Variants in FYTTD1 observed in about 807,000 individuals in gnomAD.
The protein encoded by FYTTD1 is UAP56-interacting factor.
In FYTTD1, 22 loss-of-function variants were observed where a neutral mutation model predicts 40.9. That is an observed-to-expected ratio of 0.54 (90% CI 0.38 to 0.77). FYTTD1 has a LOEUF of 0.77. Ranked by LOEUF, FYTTD1 falls within the 30% of genes least tolerant of loss-of-function variation. FYTTD1 has a pLI of 0.00. For synonymous variants in FYTTD1, 140 were observed against 137.9 expected (o/e 1.01, Z -0.10); for missense variants, 351 against 392.2 (o/e 0.90, Z 0.89).
rs1409981755 is a variant in FYTTD1, at chr3:197,783,558, A to ATT, written c.*1651_*1652dup. ...GGGATTATTGGAAGTCAGTCACAGA[A>ATT]TTTGGAAATAAATTCTAGTCTCTCC... On this transcript the variant is annotated 3_prime_UTR_variant, in exon 9 of 9. Transcript: ENST00000241502. 6.6e-6 allele frequency: 1 copy of ATT among 152,648 alleles called. No individual in the cohort carries two copies. Among genetic ancestry groups the ATT allele is most frequent in the African/African-American group, 2.4e-5 (1 of 41,450 alleles). The allele number at this position is 152,648 out of a possible 1,614,324, so 9.5% of individuals were successfully genotyped here. A position where few individuals can be genotyped will look rare whatever the true frequency, so the allele number is the denominator to read the frequency against.
intron 2 of FYTTD1, among the ~76,000 whole-genome samples, chr3:197,762,348 T>C (rs939553529): frequency 2.0e-5 from 3 of 146,912 alleles, no homozygotes; most frequent in African/African-American, 5.5e-5. Context: ...CCCAGCACTT[T>C]GGGAGGCCGA....
rs949339570 is a variant in FYTTD1 at position 197,780,657 on chromosome 3, C to T, written c.859-1154C>T. Among the ~76,000 whole-genome samples the T allele has an allele frequency of 5.4e-4, 82 of 151,952 alleles. 1 individual carries two copies. The highest frequency in any genetic ancestry group is 7.9e-4 in the Non-Finnish European group (54 of 67,984). ...TCCTGGGTTCAAGCAATTCTCCTGC[C>T]TTAGCCTCCTGAGTAGCTGGGATTA... On this transcript the variant is annotated intron_variant, in intron 8 of 8. Coordinates refer to ENST00000241502, the MANE Select transcript of FYTTD1 (RefSeq NM_032288.7).
At chr3:197,776,179 G>A (rs577925904) in intron 6 of FYTTD1, among the ~76,000 whole-genome samples, 42 of 151,574 alleles carry the variant, frequency 2.8e-4, no homozygotes, top group Non-Finnish European at 5.0e-4. Flanking sequence ...ATAGTTTGAC[G>A]AACTAAATCT....
intron 7 of FYTTD1, among the ~76,000 whole-genome samples, chr3:197,777,894 A>T (rs574560517): frequency 6.6e-6 from 1 of 151,538 alleles, no homozygotes; most frequent in Non-Finnish European, 1.5e-5. Context: ...TTTTTTTTGT[A>T]CAGATGGGGG....
chr3:197,763,452 A>G (rs1208561344), intron 2 of FYTTD1: 1 of 400,484 alleles, frequency 2.5e-6, no homozygotes. Context: ...AATTGCAGTA[A>G]ATATAACCCA....
intron 1 of FYTTD1, chr3:197,755,696 C>T: frequency 1.6e-6 from 1 of 612,966 alleles, no homozygotes; most frequent in Non-Finnish European, 2.7e-6. Flanking sequence ...CCATGTTGGT[C>T]AGGCCAGTCC....
intron 2 of FYTTD1, 90 bp downstream of exon 2, chr3:197,756,647 C>T (rs1423692369): frequency 9.6e-6 from 11 of 1,149,820 alleles, no homozygotes; most frequent in Middle Eastern, 2.0e-4. Flanking sequence ...TGGAGGAATG[C>T]GTCAGTACTC....
At chr3:197,777,188 T>C (rs1729901231) in intron 7 of FYTTD1, among the ~76,000 whole-genome samples, 187 bp downstream of exon 7, 2 of 152,220 alleles carry the variant, frequency 1.3e-5, no homozygotes, top group Non-Finnish European at 2.9e-5. Context: ...TGATTCCTGA[T>C]TCTGCAGCCC....
intron 1 of FYTTD1, among the ~76,000 whole-genome samples, chr3:197,752,183 C>T (rs1474130178): frequency 6.6e-6 from 1 of 152,216 alleles, no homozygotes; most frequent in African/African-American, 2.4e-5. Flanking sequence ...TATATTAACT[C>T]AGTTTATCCT....
rs963813328 is a variant in FYTTD1, at chr3:197,785,973, A to G, written c.*4064A>G. 8 of 151,658 alleles carry G rather than the reference A, an allele frequency of 5.3e-5. No individual in the cohort carries two copies. The highest frequency in any genetic ancestry group is 1.0e-4 in the Non-Finnish European group (7 of 67,896). 9.4% of individuals were successfully genotyped at this position (151,658 alleles called of 1,614,324 possible). On this transcript the variant is annotated 3_prime_UTR_variant, in exon 9 of 9. Transcript: ENST00000241502. Reference sequence around the variant, plus strand: ...TTTTAAATGATACTTCAGTAAACACAGCATTTACAACAAGAATTGTGGACT... The same window carrying G: ...TTTTAAATGATACTTCAGTAAACACGGCATTTACAACAAGAATTGTGGACT...
chr3:197,781,335 C>T lies in FYTTD1; in HGVS notation c.859-476C>T, dbSNP rs867301748. 4.6e-5 allele frequency among the ~76,000 whole-genome samples: 7 copies of T among 151,668 alleles called. No individual in the cohort carries two copies. The South Asian group carries it at 1.5e-3, about 32-fold the overall frequency. On this transcript the variant is annotated intron_variant, in intron 8 of 8. Transcript: ENST00000241502. Reference sequence around the variant, plus strand: ...AATAAAAAAAAAAAAAAAATTTTGACCAAATTTGTTTTGCTTATTTTTATT... The same window carrying T: ...AATAAAAAAAAAAAAAAAATTTTGATCAAATTTGTTTTGCTTATTTTTATT...
chr3:197,769,443 T>C (rs570333401), intron 3 of FYTTD1, among the ~76,000 whole-genome samples: 1 of 152,358 alleles, frequency 6.6e-6, no homozygotes, highest in East Asian at 1.9e-4. Context: ...ACTTCTCATA[T>C]ACTTAATAGA....
At chr3:197,772,964 G>A (rs1366320042) in intron 4 of FYTTD1, among the ~76,000 whole-genome samples, 3 of 152,190 alleles carry the variant, frequency 2.0e-5, no homozygotes, top group Non-Finnish European at 4.4e-5. Context: ...AGAGAAAGCT[G>A]GAGGAGGAGA....
chr3:197,773,645 T>C (rs1580464234), intron 5 of FYTTD1, 146 bp downstream of exon 5: 1 of 566,184 alleles, frequency 1.8e-6, no homozygotes, highest in East Asian at 2.9e-5. Flanking sequence ...GTTCTTCCTG[T>C]TGTATGTTTT....
intron 5 of FYTTD1, among the ~76,000 whole-genome samples, chr3:197,773,809 G>A (rs572700132): frequency 6.6e-6 from 1 of 150,402 alleles, no homozygotes; most frequent in Non-Finnish European, 1.5e-5. Context: ...CTGCACTCAC[G>A]CACACACCCC....
intron 8 of FYTTD1, among the ~76,000 whole-genome samples, chr3:197,780,233 T>G (rs1729993886): frequency 6.6e-6 from 1 of 152,140 alleles, no homozygotes; most frequent in East Asian, 1.9e-4. Flanking sequence ...AATTCTTATA[T>G]TTTTTGTAGA....
In FYTTD1 at chr3:197,778,377, A is replaced by G. The variant is rs2109054800; in HGVS notation, c.771A>G (p.Ser257=). ...KPRLTRTAVP[S]FLTKREQSDV... ...GATTAACTCGTACTGCTGTACCTTCATTTTTAACAAAGCGGGAGCAAAGTG... is the reference window on the plus strand; with the variant it reads ...GATTAACTCGTACTGCTGTACCTTCGTTTTTAACAAAGCGGGAGCAAAGTG... The change falls in exon 8 of 9, where the codon TCA becomes TCG. Residue 257 remains serine (S), a synonymous_variant. Transcript: ENST00000241502. 1 of 1,612,538 alleles carries G rather than the reference A, an allele frequency of 6.2e-7. No individual in the cohort carries two copies. Among genetic ancestry groups the G allele is most frequent in the Non-Finnish European group, 8.5e-7 (1 of 1,178,806 alleles).
chr3:197,758,344 G>A (rs1299751904), intron 2 of FYTTD1, among the ~76,000 whole-genome samples: 1 of 152,162 alleles, frequency 6.6e-6, no homozygotes, highest in Non-Finnish European at 1.5e-5. Flanking sequence ...TATTTAACAT[G>A]AATATATTTC....
At chr3:197,777,419 A>G (rs1195331475) in intron 7 of FYTTD1, among the ~76,000 whole-genome samples, 1 of 151,602 alleles carries the variant, frequency 6.6e-6, no homozygotes, top group African/African-American at 2.4e-5. Context: ...GCCCACCACC[A>G]TGTCTGGCTT....
Sources: allele counts gnomAD v4.1 joint callset (sites outside exome capture counted in the v4.1 genomes callset), GRCh38; gene constraint gnomAD v4.1.1; transcripts MANE v1.5; gene names NCBI Gene and HGNC (gene_info 2026-07-23, HGNC 2026-07-21).